PNOC: variants seen among roughly 807,000 people sequenced by gnomAD.
PNOC encodes the protein prepronociceptin.
In PNOC, 10 loss-of-function variants were observed where a neutral mutation model predicts 15.6. That is an observed-to-expected ratio of 0.64 (90% CI 0.40 to 1.09). The LOEUF is 1.09. Ranked by LOEUF, PNOC falls within the 50% of genes least tolerant of loss-of-function variation. The pLI, the probability that PNOC is intolerant of heterozygous loss-of-function variation, is 0.01. For missense variants in PNOC, 220 were observed against 223.9 expected, an observed-to-expected ratio of 0.98 and a Z score of 0.11; for synonymous variants, 98 against 88.5, an observed-to-expected ratio of 1.11 and a Z score of -0.60.
At chr8:28,339,614 C>A in intron 3 of PNOC, 123 bp downstream of exon 3, 2 of 757,158 alleles carry the variant, frequency 2.6e-6, no homozygotes, top group Non-Finnish European at 3.8e-6. Context: ...CACACACACA[C>A]CCCGCAAGGA....
Position 28,328,065 on chromosome 8 carries a change from T to C in PNOC, c.-23-1070T>C, listed in dbSNP as rs1339656488. 2.1e-3 allele frequency among the ~76,000 whole-genome samples: 269 copies of C among 130,718 alleles called. 4 individuals carry two copies. The East Asian group carries it at 0.027, about 13-fold the overall frequency. 85.8% of individuals were successfully genotyped at this position (130,718 alleles called of 152,430 possible). ...AGGTTCCATCTCTCTCTCTCTTTTT[T>C]TTTTTTTTTTTTTTTTTTTTGAGAC... On this transcript the variant is annotated intron_variant, in intron 1 of 3. Transcript: ENST00000301908.
At chr8:28,337,696 C>T (rs1801435679) in intron 2 of PNOC, among the ~76,000 whole-genome samples, 1 of 150,628 alleles carries the variant, frequency 6.6e-6, no homozygotes, top group African/African-American at 2.4e-5. Context: ...CATTCTCCTG[C>T]TTCAGCCTCC....
intron 3 of PNOC, among the ~76,000 whole-genome samples, chr8:28,341,975 C>T (rs1172239438): frequency 6.6e-6 from 1 of 152,174 alleles, no homozygotes. Context: ...TCCTTGACTT[C>T]TAAGATACCT....
At chr8:28,326,315 G>A (rs2614093) in intron 1 of PNOC, among the ~76,000 whole-genome samples, 49,218 of 151,628 alleles carry the variant, frequency 0.32, 9,791 homozygotes, top group Non-Finnish European at 0.45. Context: ...TTGCACCACT[G>A]CACACCAGCC....
At chr8:28,330,399 T>TTATTTTA (rs796269575) in intron 2 of PNOC, among the ~76,000 whole-genome samples, 2 of 104,140 alleles carry the variant, frequency 1.9e-5, no homozygotes, top group South Asian at 3.1e-4. Flanking sequence ...TTATTTTATT[T>TTATTTTA]TTTTTTTTTT....
intron 1 of PNOC, among the ~76,000 whole-genome samples, chr8:28,325,459 G>T (rs1426721459): frequency 6.6e-6 from 1 of 151,994 alleles, no homozygotes; most frequent in African/African-American, 2.4e-5. Context: ...TTCAAGACCA[G>T]CCTGGCCAAC....
intron 2 of PNOC, among the ~76,000 whole-genome samples, chr8:28,332,178 G>A (rs1801339725): frequency 6.6e-6 from 1 of 152,282 alleles, no homozygotes; most frequent in Non-Finnish European, 1.5e-5. Context: ...GGAGGATGTG[G>A]CTGCCTGCTT....
intron 1 of PNOC, among the ~76,000 whole-genome samples, chr8:28,320,260 C>T (rs1801128071): frequency 6.6e-6 from 1 of 151,854 alleles, no homozygotes; most frequent in African/African-American, 2.4e-5. Flanking sequence ...ATCCAACCTC[C>T]CCTCTTTCCA....
intron 2 of PNOC, 109 bp downstream of exon 2, chr8:28,329,392 A>C (rs1801285186): frequency 4.1e-4 from 518 of 1,276,836 alleles, no homozygotes; most frequent in Non-Finnish European, 5.2e-4. Flanking sequence ...CCCACAGCTC[A>C]CAGGACTTGC....
chr8:28,341,240 T>C (rs1801514285), intron 3 of PNOC, among the ~76,000 whole-genome samples: 1 of 152,218 alleles, frequency 6.6e-6, no homozygotes. Context: ...CACGGGCCTG[T>C]TACCAAATAT....
At chr8:28,339,520 A>C in intron 3 of PNOC, 29 bp downstream of exon 3, 1 of 1,460,278 alleles carries the variant, frequency 6.8e-7, no homozygotes, top group Non-Finnish European at 9.0e-7. Context: ...AGCTGGGGGC[A>C]AGGAGAGACC....
At chr8:28,320,579 A>G (rs914471085) in intron 1 of PNOC, among the ~76,000 whole-genome samples, 5 of 152,334 alleles carry the variant, frequency 3.3e-5, no homozygotes, top group South Asian at 2.1e-4. Context: ...GGCCGGGCGC[A>G]GTGGCTCATG....
chr8:28,320,092 C>CTTTTTTTTTTTTTTTTTT lies in PNOC; in HGVS notation c.-24+2788_-24+2805dup. Among the ~76,000 whole-genome samples, 51 of 29,724 alleles carry CTTTTTTTTTTTTTTTTTT rather than the reference C, an allele frequency of 1.7e-3. 8 individuals are homozygous for CTTTTTTTTTTTTTTTTTT. Among genetic ancestry groups the CTTTTTTTTTTTTTTTTTT allele is most frequent in the Non-Finnish European group, 2.5e-3 (43 of 16,924 alleles). 19.5% of individuals were successfully genotyped at this position (29,724 alleles called of 152,430 possible). ...TGTTTGTTTCTTTCTTTCTTTCTTTCTTTTTTTTTTTTTTTTTTTTTTTTT... is the reference window on the plus strand; with the variant it reads ...TGTTTGTTTCTTTCTTTCTTTCTTTCTTTTTTTTTTTTTTTTTTTTTTTTTTTTTTTTTTTTTTTTTTT... On this transcript the variant is annotated intron_variant, in intron 1 of 3. Coordinates refer to ENST00000301908, the MANE Select transcript of PNOC (RefSeq NM_006228.5).
chr8:28,342,661 T>C (rs1801542891), intron 3 of PNOC, among the ~76,000 whole-genome samples: 1 of 152,218 alleles, frequency 6.6e-6, no homozygotes, highest in Admixed American at 6.5e-5. Flanking sequence ...GGGCTCCGAA[T>C]ACCAGCAAGA....
upstream of PNOC, chr8:28,317,117 C>T (rs1205529620): frequency 6.6e-6 from 1 of 152,408 alleles, no homozygotes; most frequent in African/African-American, 2.4e-5. Flanking sequence ...ATGGCAGAGC[C>T]GGGGGAAGGG....
intron 1 of PNOC, among the ~76,000 whole-genome samples, chr8:28,323,085 CA>C (rs1298616779): frequency 6.6e-6 from 1 of 152,198 alleles, no homozygotes; most frequent in Non-Finnish European, 1.5e-5. Context: ...AGACAAAACT[CA>C]ATTAGGGTCC....
intron 3 of PNOC, 127 bp downstream of exon 3, chr8:28,339,618 G>T: frequency 4.4e-6 from 3 of 675,478 alleles, no homozygotes; most frequent in Non-Finnish European, 6.3e-6. Flanking sequence ...CACACACCCC[G>T]CAAGGAGTCC....
chr8:28,323,585 A>G (rs1468394677), intron 1 of PNOC, among the ~76,000 whole-genome samples: 1 of 152,254 alleles, frequency 6.6e-6, no homozygotes, highest in Non-Finnish European at 1.5e-5. Context: ...TGTAGTTGAA[A>G]GGACTGACCA....
intron 1 of PNOC, among the ~76,000 whole-genome samples, chr8:28,327,067 G>A (rs1169961399): frequency 1.3e-5 from 2 of 152,186 alleles, no homozygotes; most frequent in Non-Finnish European, 2.9e-5. Context: ...TTTATTAAGG[G>A]AACTGCATAC....
Sources: allele counts gnomAD v4.1 joint callset (sites outside exome capture counted in the v4.1 genomes callset), GRCh38; gene constraint gnomAD v4.1.1; transcripts MANE v1.5; gene names NCBI Gene and HGNC (gene_info 2026-07-23, HGNC 2026-07-21).